The following CDH4 variants were observed in gnomAD, a reference collection of about 807,000 sequenced individuals.
CDH4 encodes cadherin 4.
In CDH4, 33 loss-of-function variants were observed where a neutral mutation model predicts 86.0. The ratio of observed to expected loss-of-function variants is 0.38; its 90% CI spans 0.29 to 0.51. The LOEUF is 0.51. Ranked by LOEUF, CDH4 falls within the 20% of genes least tolerant of loss-of-function variation. CDH4 has a pLI of 0.86. For missense variants in CDH4, 1,114 were observed against 1,307.4 expected, an observed-to-expected ratio of 0.85 and a Z score of 2.28; for synonymous variants, 555 against 549.4, an observed-to-expected ratio of 1.01 and a Z score of -0.14.
intron 2 of CDH4, among the ~76,000 whole-genome samples, chr20:61,723,366 G>A (rs757619649): frequency 2.2e-4 from 34 of 152,180 alleles, no homozygotes; most frequent in Admixed American, 6.5e-4. Flanking sequence ...TCTGAGCACC[G>A]TGCGCCATGG....
At position 61,929,656 on chromosome 20, in the gene CDH4, A is replaced by G; in HGVS notation, c.2053A>G (p.Met685Val). Residue 685 changes from methionine (M) to valine (V), a missense_variant, in exon 13 of 16, where the codon ATG becomes GTG. Physicochemically the swap from Met to Val is conservative, Grantham distance 21 (BLOSUM62 1). Coordinates refer to ENST00000614565, the MANE Select transcript of CDH4 (RefSeq NM_001794.5). ...GCGCATCCTGTACCTGGAGGCCGGGATGTATGACGTCCCCATCATCGTCAC... is the reference window on the plus strand; with the variant it reads ...GCGCATCCTGTACCTGGAGGCCGGGGTGTATGACGTCCCCATCATCGTCAC... ...SLRILYLEAGMYDVPIIVTDS... is the reference protein window; with the variant it reads ...SLRILYLEAGVYDVPIIVTDS... 1 of 1,614,046 alleles carries G rather than the reference A, an allele frequency of 6.2e-7. No individual in the cohort carries two copies. The highest frequency in any genetic ancestry group is 8.5e-7 in the Non-Finnish European group (1 of 1,180,018).
intron 1 of CDH4, among the ~76,000 whole-genome samples, chr20:61,254,448 A>G (rs1229672294): frequency 2.0e-5 from 3 of 152,218 alleles, no homozygotes; most frequent in African/African-American, 4.8e-5. Flanking sequence ...AGCCGCCCAC[A>G]CTTTGGCCTC....
In CDH4 at chr20:61,703,926, G is replaced by T. The variant is rs957792040; in HGVS notation, c.170-39637G>T. On this transcript the variant is annotated intron_variant, in intron 2 of 15. Transcript: ENST00000614565. This position sits in a 1 kb window ranked among gnomAD's most constrained non-coding sequence, Gnocchi z 4.3. ...TTAAATTTTTCCAATAAAATGAAAA[G>T]GTTGAGCTGGAGCAGAGGCAGGGGT... 2.6e-5 allele frequency among the ~76,000 whole-genome samples: 4 copies of T among 152,168 alleles called. No individual in the cohort carries two copies. Among genetic ancestry groups the T allele is most frequent in the Non-Finnish European group, 5.9e-5 (4 of 68,030 alleles).
intron 2 of CDH4, among the ~76,000 whole-genome samples, chr20:61,267,325 A>C (rs1186157024): frequency 6.6e-6 from 1 of 152,186 alleles, no homozygotes; most frequent in Non-Finnish European, 1.5e-5. Context: ...TTGCGAAAGC[A>C]TCAGGGCTTC....
At chr20:61,274,295 T>C (rs1292996984) in intron 2 of CDH4, among the ~76,000 whole-genome samples, 7 of 113,604 alleles carry the variant, frequency 6.2e-5, no homozygotes, top group Admixed American at 1.1e-4. Flanking sequence ...CCATATGCAG[T>C]TTGGGGGAGT....
chr20:61,508,029 G>A (rs573142306), intron 2 of CDH4, among the ~76,000 whole-genome samples: 36 of 152,342 alleles, frequency 2.4e-4, no homozygotes, highest in African/African-American at 7.7e-4. Flanking sequence ...GTCTCTGTGC[G>A]CACTGTCGTG....
intron 2 of CDH4, among the ~76,000 whole-genome samples, chr20:61,628,155 T>C (rs1243912548): frequency 6.6e-6 from 1 of 152,182 alleles, no homozygotes; most frequent in Non-Finnish European, 1.5e-5. Context: ...AGCCCGCAGC[T>C]TCCTGAGCTA....
chr20:61,908,562 G>A lies in CDH4; in HGVS notation c.1189-1860G>A, dbSNP rs951418756. ...GGCCTCTGTGTGCTTCTCTGTCCTT[G>A]CAGGACCTGCCTGTGGCAGACGCGG... is the stretch of plus-strand genomic sequence containing the variant. On this transcript the variant is annotated intron_variant, in intron 8 of 15. Transcript: ENST00000614565. 2.0e-5 allele frequency among the ~76,000 whole-genome samples: 3 copies of A among 152,316 alleles called. No homozygotes were observed. In the South Asian group the frequency reaches 6.2e-4, roughly 32 times the overall value.
chr20:61,544,030 TGCCCCACACCCCCG>T lies in CDH4; in HGVS notation c.170-199522_170-199509del, dbSNP rs1323467338. ...CGTCACAGCTGAGGTCCCTGGAGGC[TGCCCCACACCCCCG>T]GCCCCACACCTGGCTCTTGGCACTA... On this transcript the variant is annotated intron_variant, in intron 2 of 15. Transcript: ENST00000614565. This position sits in a 1 kb window ranked among gnomAD's most constrained non-coding sequence, Gnocchi z 6.5. 3.9e-5 allele frequency among the ~76,000 whole-genome samples: 6 copies of T among 152,192 alleles called. No individual in the cohort carries two copies. The highest frequency in any genetic ancestry group is 1.2e-4 in the African/African-American group (5 of 41,454).
chr20:61,775,613 G>A (rs556782607), intron 4 of CDH4, among the ~76,000 whole-genome samples: 1 of 152,252 alleles, frequency 6.6e-6, no homozygotes, highest in African/African-American at 2.4e-5. Context: ...GCCATGATTT[G>A]ACAACTGCCA....
intron 2 of CDH4, among the ~76,000 whole-genome samples, chr20:61,490,529 T>C (rs1472993347): frequency 6.6e-6 from 1 of 152,056 alleles, no homozygotes; most frequent in Non-Finnish European, 1.5e-5. Context: ...TGAAACCCTG[T>C]CTCTACTAAA....
At chr20:61,260,346 T>C (rs2084121789) in intron 2 of CDH4, among the ~76,000 whole-genome samples, 1 of 152,196 alleles carries the variant, frequency 6.6e-6, no homozygotes, top group South Asian at 2.1e-4. Flanking sequence ...CTCCACGCTG[T>C]CTTATGCCCA....
intron 1 of CDH4, among the ~76,000 whole-genome samples, chr20:61,253,027 T>C (rs548418085): frequency 6.6e-6 from 1 of 151,614 alleles, no homozygotes; most frequent in African/African-American, 2.4e-5. Context: ...GGGCCAGGGA[T>C]CCGCGAGTGC....
intron 2 of CDH4, among the ~76,000 whole-genome samples, chr20:61,706,281 G>T (rs1029505485): frequency 6.6e-6 from 1 of 152,116 alleles, no homozygotes; most frequent in Non-Finnish European, 1.5e-5. Flanking sequence ...AGGCTTTGGG[G>T]CTGTGTGTTT....
At chr20:61,743,490 G>A in intron 2 of CDH4, 73 bp from the exon 3 acceptor site, 1 of 1,155,646 alleles carries the variant, frequency 8.7e-7, no homozygotes, top group Admixed American at 2.0e-5. Context: ...AGGGCGTCCT[G>A]CGTGGTTGCT....
chr20:61,646,294 C>T (rs1269006873), intron 2 of CDH4, among the ~76,000 whole-genome samples: 1 of 152,200 alleles, frequency 6.6e-6, no homozygotes. Context: ...CAGGCCTTCA[C>T]ACACTGGGCC....
At chr20:61,535,639 T>G (rs941773360) in intron 2 of CDH4, among the ~76,000 whole-genome samples, 2 of 152,152 alleles carry the variant, frequency 1.3e-5, no homozygotes, top group Non-Finnish European at 2.9e-5. Flanking sequence ...CATTGGGACT[T>G]CCCGAGGGCA....
intron 4 of CDH4, among the ~76,000 whole-genome samples, chr20:61,794,250 C>A (rs1237189170): frequency 6.6e-6 from 1 of 151,906 alleles, no homozygotes; most frequent in African/African-American, 2.4e-5. Context: ...GTGAGTACTT[C>A]TTTGAGAGGT....
intron 2 of CDH4, among the ~76,000 whole-genome samples, chr20:61,280,871 A>G (rs1600829851): frequency 6.6e-6 from 1 of 152,112 alleles, no homozygotes; most frequent in African/African-American, 2.4e-5. Context: ...CCCCGAGTGA[A>G]GGAGAGTAGG....
Sources: allele counts gnomAD v4.1 joint callset (sites outside exome capture counted in the v4.1 genomes callset), GRCh38; gene constraint gnomAD v4.1.1; non-coding constraint Gnocchi (gnomAD v3.1); transcripts MANE v1.5; gene names NCBI Gene and HGNC (gene_info 2026-07-23, HGNC 2026-07-21).